DLGAP2: variants seen among roughly 807,000 people sequenced by gnomAD.
DLGAP2 encodes DLG associated protein 2.
Under a neutral mutation model 100.3 loss-of-function variants are expected in DLGAP2, and 26 were observed. The ratio of observed to expected loss-of-function variants is 0.26; its 90% CI spans 0.19 to 0.36. The LOEUF (loss-of-function observed/expected upper bound fraction) is 0.36, where lower values mean the gene tolerates loss of function less well. Ranked by LOEUF, DLGAP2 falls within the 10% of genes least tolerant of loss-of-function variation. The probability of loss-of-function intolerance (pLI) is 1.00; values close to 1 mark genes in which losing one functional copy is unlikely to be tolerated. For missense variants in DLGAP2, 1,858 were observed against 1,453.2 expected (o/e 1.28, Z -4.53); for synonymous variants, 886 against 630.1 (o/e 1.41, Z -6.08).
At chr8:769,944 C>T (rs913916647) in intron 1 of DLGAP2, among the ~76,000 whole-genome samples, 2 of 149,030 alleles carry the variant, frequency 1.3e-5, no homozygotes, top group African/African-American at 2.5e-5. Flanking sequence ...ATGCCGACCC[C>T]AGAGTCACTT....
chr8:1,691,760 A>G (rs1168539177), intron 13 of DLGAP2, 134 bp downstream of exon 13: 1 of 786,890 alleles, frequency 1.3e-6, no homozygotes, highest in East Asian at 2.7e-5. Flanking sequence ...TTACTACAGA[A>G]GAGGCTTCCC....
Position 770,915 on chromosome 8 carries a change from A to C in DLGAP2, c.18+33090A>C, listed in dbSNP as rs114067531. Among the ~76,000 whole-genome samples the C allele has an allele frequency of 9.2e-3, 1,402 of 151,754 alleles. 19 individuals carry two copies. The highest frequency in any genetic ancestry group is 0.032 in the African/African-American group (1,326 of 41,322). The stretch of plus-strand genomic sequence containing the variant: ...TAGAAGGACTCTTAGGGATGGAAAA[A>C]ATTTTTCACTTTTCTGTAGGGCAGG... On this transcript the variant is annotated intron_variant, in intron 1 of 14. Coordinates refer to ENST00000637795, the MANE Select transcript of DLGAP2 (RefSeq NM_001346810.2).
At chr8:1,316,854 A>G (rs1361034363) in intron 3 of DLGAP2, among the ~76,000 whole-genome samples, 15 of 141,998 alleles carry the variant, frequency 1.1e-4, no homozygotes, top group South Asian at 6.8e-4. Context: ...TCTCTCCCAC[A>G]GTGGTCTACA....
At chr8:1,651,877 C>T (rs187187075) in intron 8 of DLGAP2, among the ~76,000 whole-genome samples, 24 of 152,308 alleles carry the variant, frequency 1.6e-4, no homozygotes, top group African/African-American at 3.4e-4. Flanking sequence ...AGGCAAGCCC[C>T]GCCTGCACCT....
chr8:924,890 C>T (rs1334114377), intron 2 of DLGAP2, among the ~76,000 whole-genome samples: 1 of 152,080 alleles, frequency 6.6e-6, no homozygotes, highest in Non-Finnish European at 1.5e-5. Flanking sequence ...CTGGCCAATC[C>T]AGGTTATTCT....
At chr8:1,031,527 T>C (rs1235443698) in intron 2 of DLGAP2, among the ~76,000 whole-genome samples, 1 of 152,102 alleles carries the variant, frequency 6.6e-6, no homozygotes, top group African/African-American at 2.4e-5. Context: ...TCCTGCCACC[T>C]CAGCCTCTCA....
intron 2 of DLGAP2, among the ~76,000 whole-genome samples, chr8:1,046,157 C>T (rs1802508901): frequency 6.6e-6 from 1 of 152,124 alleles, no homozygotes; most frequent in African/African-American, 2.4e-5. Context: ...TTAGCAGAAA[C>T]CATATTTCTG....
At chr8:940,058 T>C (rs1799158864) in intron 2 of DLGAP2, among the ~76,000 whole-genome samples, 1 of 151,964 alleles carries the variant, frequency 6.6e-6, no homozygotes, top group Admixed American at 6.6e-5. Flanking sequence ...TTGGCTGCTA[T>C]GGAGTGCAGT....
rs576058308 is a variant in DLGAP2 at position 1,183,920 on chromosome 8, G to T, written c.74-74931G>T. Among the ~76,000 whole-genome samples, 7 of 152,300 alleles carry T rather than the reference G, an allele frequency of 4.6e-5. No homozygotes were observed. The South Asian group carries it at 1.4e-3, about 32-fold the overall frequency. On this transcript the variant is annotated intron_variant, in intron 2 of 14. Transcript: ENST00000637795. ...GTCTATTTATCAAATAGGAATAATA[G>T]CATTTAATCATTGCGTGATTATTAC...
At chr8:1,342,305 C>G (rs1448635234) in intron 3 of DLGAP2, among the ~76,000 whole-genome samples, 1 of 152,170 alleles carries the variant, frequency 6.6e-6, no homozygotes, top group East Asian at 1.9e-4. Context: ...AACCTCCCAA[C>G]CTCACATATT....
At chr8:738,332 G>C (rs1372326503) in intron 1 of DLGAP2, among the ~76,000 whole-genome samples, 1 of 150,072 alleles carries the variant, frequency 6.7e-6, no homozygotes, top group African/African-American at 2.5e-5. Context: ...CTGCGCGCAC[G>C]GGGGCTCGCG....
intron 1 of DLGAP2, among the ~76,000 whole-genome samples, chr8:760,670 C>T (rs187250516): frequency 6.6e-6 from 1 of 152,290 alleles, no homozygotes; most frequent in Non-Finnish European, 1.5e-5. Flanking sequence ...ATAGTTTCTT[C>T]TCTTTATCCT....
intron 2 of DLGAP2, among the ~76,000 whole-genome samples, chr8:914,325 C>G (rs1348203582): frequency 6.6e-6 from 1 of 152,036 alleles, no homozygotes; most frequent in African/African-American, 2.4e-5. Context: ...CCTGCATCCT[C>G]TCTCTCTCTG....
At chr8:1,247,138 G>A (rs1430930515) in intron 2 of DLGAP2, 13 of 112,804 alleles carry the variant, frequency 1.2e-4, no homozygotes, top group Non-Finnish European at 5.5e-5. Flanking sequence ...GGCCCACGTC[G>A]GTGGCCGGGA....
chr8:961,553 G>A (rs770542138), intron 2 of DLGAP2, among the ~76,000 whole-genome samples: 13 of 152,140 alleles, frequency 8.5e-5, no homozygotes, highest in Non-Finnish European at 1.5e-4. Flanking sequence ...TATATAGGGG[G>A]AGCTGTCCTG....
At chr8:1,047,712 G>C (rs1000721364) in intron 2 of DLGAP2, among the ~76,000 whole-genome samples, 4 of 151,898 alleles carry the variant, frequency 2.6e-5, no homozygotes. Context: ...GGGTCTCTGT[G>C]GCCTTTTTTT....
chr8:1,502,087 T>TA (rs1467466036), intron 4 of DLGAP2, among the ~76,000 whole-genome samples: 1 of 152,224 alleles, frequency 6.6e-6, no homozygotes, highest in African/African-American at 2.4e-5. Flanking sequence ...AACTGTTGAA[T>TA]AAAATCAACG....
intron 3 of DLGAP2, among the ~76,000 whole-genome samples, chr8:1,371,558 A>G (rs10283337): frequency 0.38 from 57,125 of 152,114 alleles, 10,991 homozygotes; most frequent in South Asian, 0.46. Flanking sequence ...GCAGAACTCT[A>G]TTATCCTCTC....
intron 3 of DLGAP2, among the ~76,000 whole-genome samples, chr8:1,385,761 T>G (rs1173195065): frequency 7.2e-6 from 1 of 138,506 alleles, no homozygotes; most frequent in East Asian, 2.3e-4. Flanking sequence ...CCTATGCCCA[T>G]CCCCTGAGAA....
Sources: allele counts gnomAD v4.1 joint callset (sites outside exome capture counted in the v4.1 genomes callset), GRCh38; gene constraint gnomAD v4.1.1; transcripts MANE v1.5; gene names NCBI Gene and HGNC (gene_info 2026-07-23, HGNC 2026-07-21).